The following NAV3 variants were observed in gnomAD, a reference collection of about 807,000 sequenced individuals.
The protein encoded by NAV3 is neuron navigator 3.
NAV3 carries 87 observed loss-of-function variants against 244.7 expected under a neutral mutation model. The observed-to-expected ratio is 0.36, with a 90% CI of 0.30 to 0.42. The LOEUF (loss-of-function observed/expected upper bound fraction) is 0.42, where lower values mean the gene tolerates loss of function less well. Among genes scored for constraint, NAV3 ranks in the 20% least tolerant of loss-of-function variants. The probability of loss-of-function intolerance (pLI) is 1.00; values close to 1 mark genes in which losing one functional copy is unlikely to be tolerated. For synonymous variants in NAV3, 1,126 were observed against 1,042.2 expected, an observed-to-expected ratio of 1.08 and a Z score of -1.55; for missense variants, 2,663 against 2,893.3, an observed-to-expected ratio of 0.92 and a Z score of 1.83.
chr12:77,706,870 C>A (rs1186960839), intron 2 of NAV3, among the ~76,000 whole-genome samples: 1,338 of 67,856 alleles, frequency 0.02, no homozygotes, highest in Middle Eastern at 0.034. Context: ...GACTCTGTTT[C>A]AAAAAAAAAA....
intron 2 of NAV3, among the ~76,000 whole-genome samples, chr12:77,590,636 A>C (rs1423185458): frequency 2.0e-5 from 3 of 152,166 alleles, no homozygotes; most frequent in Admixed American, 2.0e-4. Flanking sequence ...TGTGTAACAA[A>C]CCTGCACTTG....
chr12:77,840,875 A>C (rs1263402023), intron 1 of NAV3, among the ~76,000 whole-genome samples: 1 of 152,236 alleles, frequency 6.6e-6, no homozygotes, highest in Non-Finnish European at 1.5e-5. Flanking sequence ...GACAATCAGC[A>C]GTCAAAATCA....
intron 12 of NAV3, among the ~76,000 whole-genome samples, 175 bp downstream of exon 12, chr12:78,059,290 C>T (rs1019599818): frequency 1.3e-5 from 2 of 151,492 alleles, no homozygotes; most frequent in South Asian, 2.1e-4. Flanking sequence ...TGTTTGTTTT[C>T]GTTTTTTTTG....
chr12:78,107,900 AG>A (rs968425592), intron 12 of NAV3, among the ~76,000 whole-genome samples: 13 of 152,166 alleles, frequency 8.5e-5, no homozygotes, highest in African/African-American at 2.9e-4. Context: ...TAAGGGAAAA[AG>A]AAAGGAACAA....
At chr12:77,678,490 A>G (rs973000265) in intron 2 of NAV3, among the ~76,000 whole-genome samples, 4 of 152,184 alleles carry the variant, frequency 2.6e-5, no homozygotes, top group Non-Finnish European at 4.4e-5. Context: ...TCGTCATTCT[A>G]TCATATCTTT....
intron 13 of NAV3, among the ~76,000 whole-genome samples, chr12:78,117,210 T>G (rs1485522009): frequency 4.5e-4 from 28 of 61,568 alleles, no homozygotes; most frequent in African/African-American, 1.5e-3. Context: ...ATACATTACA[T>G]ATTTATATAT....
chr12:77,816,428 G>C (rs765995548), intron 2 of NAV3, among the ~76,000 whole-genome samples: 4 of 152,212 alleles, frequency 2.6e-5, no homozygotes, highest in Non-Finnish European at 4.4e-5. Flanking sequence ...GATAGTCTCT[G>C]AGATGAAGTC....
chr12:77,750,336 G>A (rs1035658451), intron 2 of NAV3, among the ~76,000 whole-genome samples: 5 of 152,108 alleles, frequency 3.3e-5, no homozygotes, highest in African/African-American at 1.2e-4. Context: ...CTGGGTGACA[G>A]AGCAAGACTC....
rs568444588 is a variant in NAV3, at chr12:77,650,652, A to T, written c.72+78386A>T. ...TTAGTGTGGTTTATTACTTCAATTT[A>T]AAAACTATGTATATTATAAAATTCA... On this transcript the variant is annotated intron_variant, in intron 2 of 8. Transcript: ENST00000550042. Among the ~76,000 whole-genome samples the T allele has an allele frequency of 3.9e-5, 6 of 152,274 alleles. No homozygotes were observed. In the South Asian group the frequency reaches 1.2e-3, roughly 32 times the overall value.
intron 38 of NAV3, among the ~76,000 whole-genome samples, chr12:78,200,909 A>G (rs1026832126): frequency 1.4e-4 from 21 of 152,074 alleles, no homozygotes; most frequent in African/African-American, 5.1e-4. Context: ...TGACACAGCC[A>G]TGTTTACATG....
chr12:77,805,739 T>C (rs1449394118), intron 2 of NAV3, among the ~76,000 whole-genome samples: 1 of 152,206 alleles, frequency 6.6e-6, no homozygotes, highest in African/African-American at 2.4e-5. Flanking sequence ...TCATAAGGAA[T>C]GGTACCAGCT....
intron 2 of NAV3, among the ~76,000 whole-genome samples, chr12:77,669,070 G>C (rs1873845581): frequency 6.6e-6 from 1 of 152,124 alleles, no homozygotes. Context: ...ATGAAGAAAA[G>C]ATACCGTGTT....
chr12:77,735,715 A>G (rs1329650255), intron 2 of NAV3, among the ~76,000 whole-genome samples: 1 of 152,190 alleles, frequency 6.6e-6, no homozygotes, highest in African/African-American at 2.4e-5. Flanking sequence ...TTTACTTTAA[A>G]ATTGGATTTT....
At chr12:77,858,004 G>GA (rs1878655526) in intron 1 of NAV3, among the ~76,000 whole-genome samples, 1 of 151,814 alleles carries the variant, frequency 6.6e-6, no homozygotes, top group African/African-American at 2.4e-5. Flanking sequence ...AATTTGCCAA[G>GA]AAAAAAATAT....
chr12:78,102,781 G>A (rs992951763), intron 12 of NAV3, among the ~76,000 whole-genome samples: 10 of 152,148 alleles, frequency 6.6e-5, no homozygotes, highest in African/African-American at 2.2e-4. Context: ...CAAGGTTTGG[G>A]GCTTGCACCC....
chr12:78,181,811 A>G (rs1299609014), intron 30 of NAV3, among the ~76,000 whole-genome samples: 1 of 152,032 alleles, frequency 6.6e-6, no homozygotes, highest in Non-Finnish European at 1.5e-5. Flanking sequence ...TAGAATGGAG[A>G]TAGTACACTG....
chr12:77,654,198 A>C (rs1291672792), intron 2 of NAV3, among the ~76,000 whole-genome samples: 3 of 152,222 alleles, frequency 2.0e-5, no homozygotes, highest in African/African-American at 7.2e-5. Context: ...TCCCTTTCCT[A>C]GTCAAAGAAA....
intron 5 of NAV3, among the ~76,000 whole-genome samples, chr12:77,973,668 C>T (rs1218532197): frequency 2.0e-5 from 3 of 152,098 alleles, no homozygotes; most frequent in East Asian, 1.9e-4. Flanking sequence ...AACATTATTT[C>T]CTTCTGGGAG....
At chr12:77,661,431 T>C (rs566251781) in intron 2 of NAV3, among the ~76,000 whole-genome samples, 27 of 152,264 alleles carry the variant, frequency 1.8e-4, no homozygotes, top group Admixed American at 4.6e-4. Context: ...GAAAGAGTTA[T>C]TGATATATTG....
Sources: gnomAD v4.1 joint callset for allele counts (sites outside exome capture counted in the v4.1 genomes callset) on GRCh38, gnomAD v4.1.1 for gene constraint, MANE v1.5 for transcripts, NCBI Gene and HGNC (gene_info 2026-07-23, HGNC 2026-07-21) for gene names.